The following TMEM132B variants were observed in gnomAD, a reference collection of about 807,000 sequenced individuals.
TMEM132B encodes the protein transmembrane protein 132B.
In TMEM132B, 18 loss-of-function variants were observed where a neutral mutation model predicts 90.8. That is an observed-to-expected ratio of 0.20 (90% CI 0.14 to 0.29). TMEM132B has a LOEUF of 0.29. TMEM132B is among the 10% of genes least tolerant of loss of function. TMEM132B has a pLI of 1.00. For missense variants in TMEM132B, 1,096 were observed against 1,326.8 expected, an observed-to-expected ratio of 0.83 and a Z score of 2.70; for synonymous variants, 504 against 523.3, an observed-to-expected ratio of 0.96 and a Z score of 0.50.
intron 7 of TMEM132B, among the ~76,000 whole-genome samples, chr12:125,651,333 T>C (rs193228411): frequency 7.4e-4 from 113 of 152,336 alleles, no homozygotes; most frequent in African/African-American, 2.6e-3. Flanking sequence ...CTCCTAACCT[T>C]GAATTTTAAC....
chr12:125,289,173 G>C (rs1875462679), intron 1 of TMEM132B, among the ~76,000 whole-genome samples: 1 of 152,128 alleles, frequency 6.6e-6, no homozygotes, highest in South Asian at 2.1e-4. Flanking sequence ...GCTGAGGTGG[G>C]TTCTGAGTCC....
chr12:125,326,667 C>A (rs746790854), intron 1 of TMEM132B: 1 of 1,607,146 alleles, frequency 6.2e-7, no homozygotes, highest in South Asian at 1.1e-5. Context: ...GCTGTCTGCA[C>A]CGGGGGAGGT....
At chr12:125,588,795 T>A (rs1885237395) in intron 5 of TMEM132B, among the ~76,000 whole-genome samples, 1 of 152,214 alleles carries the variant, frequency 6.6e-6, no homozygotes, top group African/African-American at 2.4e-5. Flanking sequence ...AAGATAAATT[T>A]CCCGCTCATT....
intron 3 of TMEM132B, among the ~76,000 whole-genome samples, chr12:125,480,910 C>G (rs1009063560): frequency 7.1e-6 from 1 of 140,812 alleles, no homozygotes; most frequent in Non-Finnish European, 1.5e-5. Context: ...GCTTATCCAC[C>G]AAGATCAAGT....
chr12:125,434,493 G>T (rs1290012032), intron 3 of TMEM132B, among the ~76,000 whole-genome samples: 4 of 149,184 alleles, frequency 2.7e-5, no homozygotes, highest in Non-Finnish European at 6.0e-5. Context: ...TGGCCCTTGG[G>T]AGGCCATGGT....
At position 125,648,893 on chromosome 12, in the gene TMEM132B, A is replaced by C. The variant is rs114056999; in HGVS notation, c.1644-1790A>C. 9.1e-3 allele frequency among the ~76,000 whole-genome samples: 1,384 copies of C among 152,320 alleles called. 24 individuals carry two copies. The highest frequency in any genetic ancestry group is 0.032 in the African/African-American group (1,312 of 41,554). On this transcript the variant is annotated intron_variant, in intron 6 of 8. Transcript: ENST00000682704. ...TGTTGTTAAATTCTGAGTAGACACT[A>C]TTGCCTGCCTATGTGAGCTTGTCTT...
intron 1 of TMEM132B, among the ~76,000 whole-genome samples, chr12:125,288,115 C>G (rs187488615): frequency 2.0e-5 from 3 of 148,966 alleles, no homozygotes; most frequent in Non-Finnish European, 3.0e-5. Flanking sequence ...TTCAGGTGAT[C>G]CGCCAGCCTT....
chr12:125,501,686 A>AT, intron 3 of TMEM132B, among the ~76,000 whole-genome samples: 1 of 152,160 alleles, frequency 6.6e-6, no homozygotes, highest in Admixed American at 6.5e-5. Context: ...TGGCTGAATA[A>AT]TGTACTGGGG....
At chr12:125,423,491 C>A (rs1279806702) in intron 3 of TMEM132B, among the ~76,000 whole-genome samples, 1 of 152,206 alleles carries the variant, frequency 6.6e-6, no homozygotes, top group African/African-American at 2.4e-5. Context: ...TCCTCCCTGA[C>A]CCCTTCAAAA....
In TMEM132B at chr12:125,566,835, C is replaced by CTTA. The variant is rs1463169929; in HGVS notation, c.1294-17014_1294-17013insATT. 2.2e-4 allele frequency among the ~76,000 whole-genome samples: 17 copies of CTTA among 78,744 alleles called. No individual in the cohort carries two copies. The South Asian group carries it at 7.5e-3, about 35-fold the overall frequency. The allele number at this position is 78,744 out of a possible 152,430, so 51.7% of individuals were successfully genotyped here. On this transcript the variant is annotated intron_variant, in intron 4 of 8. Coordinates refer to ENST00000682704, the MANE Select transcript of TMEM132B (RefSeq NM_001366854.1). ...CCTCCTTCTTCTTCCTCTTCTTCTT[C>CTTA]TTTTTTTTTTTTTTTTTTTTTTTTT...
At position 125,653,742 on chromosome 12, in the gene TMEM132B, C is replaced by T; in HGVS notation, c.2284C>T (p.Pro762Ser). The change falls in exon 9 of 9, where the codon CCT (proline) becomes TCT (serine). Residue 762 changes from proline to serine, a missense_variant. Pro to Ser is a moderately conservative substitution (Grantham distance 74). Transcript: ENST00000682704. ...GGTTGCAGAGGGTGAAGGACAAGGG[C>T]CTTTGATTAAGTTAGAAATGATGAT... ...IVVAEGEGQG[P>S]LIKLEMMISE... The T allele has an allele frequency of 6.2e-7, 1 of 1,614,072 alleles. No homozygotes were observed. Among genetic ancestry groups the T allele is most frequent in the Admixed American group, 1.7e-5 (1 of 60,008 alleles).
chr12:125,564,228 G>A (rs140170001), intron 4 of TMEM132B, among the ~76,000 whole-genome samples: 186 of 152,258 alleles, frequency 1.2e-3, no homozygotes, highest in African/African-American at 4.2e-3. Context: ...TAATAAAATA[G>A]CAAATTGCTT....
chr12:125,570,355 C>T (rs1186124202), intron 4 of TMEM132B, among the ~76,000 whole-genome samples: 2 of 152,122 alleles, frequency 1.3e-5, no homozygotes, highest in Non-Finnish European at 2.9e-5. Context: ...TGTGAGTGAC[C>T]CTCAATCGTG....
intron 5 of TMEM132B, among the ~76,000 whole-genome samples, chr12:125,635,296 C>T (rs896107150): frequency 1.3e-5 from 2 of 152,032 alleles, no homozygotes; most frequent in Non-Finnish European, 2.9e-5. Flanking sequence ...CCTCCCCTAG[C>T]CCCCACCCCC....
chr12:125,465,519 A>G (rs1026434823), intron 3 of TMEM132B, among the ~76,000 whole-genome samples: 7 of 152,296 alleles, frequency 4.6e-5, no homozygotes, highest in African/African-American at 1.7e-4. Context: ...ATCCACTGCT[A>G]AAGAGTTAAC....
intron 4 of TMEM132B, among the ~76,000 whole-genome samples, chr12:125,536,186 A>G (rs909077053): frequency 2.6e-5 from 4 of 152,202 alleles, no homozygotes; most frequent in African/African-American, 4.8e-5. Flanking sequence ...GAATCCGCAC[A>G]TAGTTTCCTT....
In TMEM132B at chr12:125,614,995, C is replaced by T. The variant is rs1167598670; in HGVS notation, c.1438-29081C>T. On this transcript the variant is annotated intron_variant, in intron 5 of 8. Transcript: ENST00000682704. ...ACTTTTTGAGCCTTTTGAATGTTAT[C>T]CTGCTGTCCTCAGGTTTTATTATTT... Among the ~76,000 whole-genome samples, 3 of 152,064 alleles carry T rather than the reference C, an allele frequency of 2.0e-5. No homozygotes were observed. In the South Asian group the frequency reaches 6.2e-4, roughly 31 times the overall value.
intron 3 of TMEM132B, among the ~76,000 whole-genome samples, chr12:125,448,068 C>T (rs1255940359): frequency 6.6e-6 from 1 of 152,100 alleles, no homozygotes; most frequent in African/African-American, 2.4e-5. Flanking sequence ...GAGTTTGAGA[C>T]CAGCCTGGTA....
chr12:125,235,743 CACATA>C (rs1053338537), intron 1 of TMEM132B, among the ~76,000 whole-genome samples: 1 of 150,956 alleles, frequency 6.6e-6, no homozygotes, highest in Non-Finnish European at 1.5e-5. Context: ...TGGCTTCTTT[CACATA>C]ACATAACAGT....
Sources: gnomAD v4.1 joint callset for allele counts (sites outside exome capture counted in the v4.1 genomes callset) on GRCh38, gnomAD v4.1.1 for gene constraint, MANE v1.5 for transcripts, NCBI Gene and HGNC (gene_info 2026-07-23, HGNC 2026-07-21) for gene names.